Variants in SRGAP3 observed in about 807,000 individuals in gnomAD.
The protein encoded by SRGAP3 is SLIT-ROBO Rho GTPase activating protein 3.
In SRGAP3, 39 loss-of-function variants were observed where a neutral mutation model predicts 121.1. The observed-to-expected ratio is 0.32, with a 90% CI of 0.25 to 0.42. The LOEUF is 0.42. Among genes scored for constraint, SRGAP3 ranks in the 10% least tolerant of loss-of-function variants. The pLI, the probability that SRGAP3 is intolerant of heterozygous loss-of-function variation, is 1.00. For missense variants in SRGAP3, 1,213 were observed against 1,470.6 expected, an observed-to-expected ratio of 0.82 and a Z score of 2.86; for synonymous variants, 601 against 570.0, an observed-to-expected ratio of 1.05 and a Z score of -0.77.
At chr3:9,131,433 CTTTTTTTTTTT>C (rs869155697) in intron 1 of SRGAP3, among the ~76,000 whole-genome samples, 4 of 90,216 alleles carry the variant, frequency 4.4e-5, no homozygotes, top group Admixed American at 1.5e-4. Context: ...AGATCTAATT[CTTTTTTTTTTT>C]TTTTTTTTTT....
intron 18 of SRGAP3, among the ~76,000 whole-genome samples, chr3:9,003,968 C>G (rs1178458989): frequency 6.6e-6 from 1 of 151,932 alleles, no homozygotes; most frequent in African/African-American, 2.4e-5. Context: ...TATTCATAGA[C>G]AATATAATCT....
intron 3 of SRGAP3, among the ~76,000 whole-genome samples, chr3:9,279,110 A>G (rs1410474103): frequency 6.6e-6 from 1 of 151,686 alleles, no homozygotes; most frequent in Admixed American, 6.6e-5. Flanking sequence ...GCAACAGGGA[A>G]AAAAAAAGGG....
intron 1 of SRGAP3, among the ~76,000 whole-genome samples, chr3:9,344,259 A>C (rs2125291363): frequency 6.6e-6 from 1 of 152,312 alleles, no homozygotes; most frequent in South Asian, 2.1e-4. Context: ...GTTGGAGATC[A>C]GCCTGGCCAA....
At chr3:9,238,670 A>T (rs900687927) in intron 1 of SRGAP3, among the ~76,000 whole-genome samples, 16 of 152,152 alleles carry the variant, frequency 1.1e-4, no homozygotes, top group Non-Finnish European at 2.2e-4. Context: ...GATTCACAGA[A>T]TCTAAGAGTG....
chr3:9,249,469 G>A lies in SRGAP3; in HGVS notation c.-518C>T, dbSNP rs1953944324. 4.0e-6 allele frequency: 1 copy of A among 248,768 alleles called. No individual in the cohort carries two copies. The allele number at this position is 248,768 out of a possible 1,614,324, so 15.4% of individuals were successfully genotyped here. On this transcript the variant is annotated 5_prime_UTR_variant, in exon 1 of 22. An upstream open reading frame in the 5' UTR gains an earlier in-frame stop. Coordinates refer to ENST00000383836, the MANE Select transcript of SRGAP3 (RefSeq NM_014850.4). The stretch of plus-strand genomic sequence containing the variant: ...CTCTTTGGTCGTGCAGCCAGCCCCT[G>A]GCTTGCTTTTGAAGGCTCTGCTAAG...
intron 2 of SRGAP3, among the ~76,000 whole-genome samples, chr3:9,107,640 C>T (rs1575084129): frequency 6.6e-6 from 1 of 152,260 alleles, no homozygotes; most frequent in East Asian, 1.9e-4. Context: ...CACTTAGGAA[C>T]TTGAAAATAC....
At chr3:9,175,854 G>A (rs1370816021) in intron 1 of SRGAP3, among the ~76,000 whole-genome samples, 1 of 152,230 alleles carries the variant, frequency 6.6e-6, no homozygotes, top group Non-Finnish European at 1.5e-5. Flanking sequence ...AGGGATTAAA[G>A]TGCATAGACA....
At position 8,991,127 on chromosome 3, in the gene SRGAP3, TAAGTC is replaced by T. The variant is rs890865120; in HGVS notation, c.2559-293_2559-289del. On this transcript the variant is annotated intron_variant, in intron 20 of 21. Coordinates refer to ENST00000383836, the MANE Select transcript of SRGAP3 (RefSeq NM_014850.4). ...CGCAAAATGCATCTGGTCTACATGC[TAAGTC>T]AAGGCCTACAGGATTCCAACCCTGG... Among the ~76,000 whole-genome samples the T allele has an allele frequency of 9.6e-4, 146 of 152,322 alleles. 1 individual carries two copies. Among genetic ancestry groups the T allele is most frequent in the African/African-American group, 3.4e-3 (143 of 41,570 alleles).
chr3:9,361,488 C>A (rs1200660483), intron 1 of SRGAP3, among the ~76,000 whole-genome samples: 8 of 152,128 alleles, frequency 5.3e-5, no homozygotes, highest in African/African-American at 1.4e-4. Flanking sequence ...GTTCCTTTCA[C>A]AATAAGTTAA....
chr3:9,335,444 G>A (rs1408595268), intron 1 of SRGAP3, among the ~76,000 whole-genome samples: 1 of 152,090 alleles, frequency 6.6e-6, no homozygotes, highest in Non-Finnish European at 1.5e-5. Flanking sequence ...TTGGGGCTTG[G>A]GCCATCAATT....
intron 1 of SRGAP3, among the ~76,000 whole-genome samples, chr3:9,166,184 T>C (rs1950779087): frequency 6.6e-6 from 1 of 152,204 alleles, no homozygotes; most frequent in African/African-American, 2.4e-5. Flanking sequence ...TTCTTCCTCC[T>C]TGGAAGACCA....
chr3:9,087,915 C>A (rs1035995179), intron 3 of SRGAP3, among the ~76,000 whole-genome samples: 1 of 152,178 alleles, frequency 6.6e-6, no homozygotes, highest in Non-Finnish European at 1.5e-5. Context: ...TCTCTGCTCA[C>A]CAACTCCCCA....
intron 1 of SRGAP3, among the ~76,000 whole-genome samples, chr3:9,132,190 T>C (rs577753454): frequency 6.6e-6 from 1 of 152,300 alleles, no homozygotes; most frequent in African/African-American, 2.4e-5. Flanking sequence ...ACTGCACAGT[T>C]TCTCCGATTA....
At chr3:9,099,129 T>C (rs1261424754) in intron 3 of SRGAP3, among the ~76,000 whole-genome samples, 1 of 152,214 alleles carries the variant, frequency 6.6e-6, no homozygotes, top group African/African-American at 2.4e-5. Flanking sequence ...AAGGCAATTA[T>C]TGAACACAAA....
At chr3:9,053,964 T>C (rs534492004) in intron 8 of SRGAP3, among the ~76,000 whole-genome samples, 5 of 152,326 alleles carry the variant, frequency 3.3e-5, no homozygotes, top group South Asian at 4.1e-4. Flanking sequence ...TGTTATAAAA[T>C]TATTGTCACT....
chr3:9,173,312 A>T (rs1036406912), intron 1 of SRGAP3, among the ~76,000 whole-genome samples: 7 of 152,102 alleles, frequency 4.6e-5, no homozygotes, highest in African/African-American at 1.7e-4. Flanking sequence ...GCTGTGCCTG[A>T]CTCTGGCAGG....
chr3:9,005,394 T>G (rs1185524830), intron 18 of SRGAP3, among the ~76,000 whole-genome samples: 1 of 152,164 alleles, frequency 6.6e-6, no homozygotes, highest in Non-Finnish European at 1.5e-5. Flanking sequence ...TGACATAGAG[T>G]TAGCATATGA....
At chr3:9,265,082 C>A (rs1954329244) in intron 3 of SRGAP3, among the ~76,000 whole-genome samples, 1 of 152,152 alleles carries the variant, frequency 6.6e-6, no homozygotes, top group Non-Finnish European at 1.5e-5. Context: ...CATCTACAAC[C>A]ATCTGATCTT....
chr3:9,276,108 A>G (rs1276173300), intron 3 of SRGAP3, among the ~76,000 whole-genome samples: 2 of 152,186 alleles, frequency 1.3e-5, no homozygotes, highest in Admixed American at 6.5e-5. Flanking sequence ...GAATGAATCA[A>G]GATTATCACC....
Sources: gnomAD v4.1 joint callset for allele counts (sites outside exome capture counted in the v4.1 genomes callset) on GRCh38, gnomAD v4.1.1 for gene constraint, MANE v1.5 for transcripts, NCBI Gene and HGNC (gene_info 2026-07-23, HGNC 2026-07-21) for gene names.